The following CTNND2 variants were observed in gnomAD, a reference collection of about 807,000 sequenced individuals.
The protein encoded by CTNND2 is catenin delta 2, also known as catenin delta-2.
CTNND2 carries 22 observed loss-of-function variants against 144.4 expected under a neutral mutation model. That is an observed-to-expected ratio of 0.15 (90% CI 0.11 to 0.22). The LOEUF (loss-of-function observed/expected upper bound fraction) is 0.22. Among genes scored for constraint, CTNND2 ranks in the 10% least tolerant of loss-of-function variants. CTNND2 has a pLI of 1.00. For synonymous variants in CTNND2, 751 were observed against 695.6 expected (o/e 1.08, Z -1.25); for missense variants, 1,353 against 1,618.8 (o/e 0.84, Z 2.82).
intron 3 of CTNND2, among the ~76,000 whole-genome samples, chr5:11,416,451 C>A (rs938807765): frequency 6.6e-6 from 1 of 152,166 alleles, no homozygotes; most frequent in Non-Finnish European, 1.5e-5. Context: ...TATGACTGAT[C>A]ACAGAGAATG....
intron 2 of CTNND2, among the ~76,000 whole-genome samples, chr5:11,678,348 C>A (rs1784270858): frequency 6.6e-6 from 1 of 152,098 alleles, no homozygotes; most frequent in East Asian, 1.9e-4. Flanking sequence ...GACTTCAGAA[C>A]CCCTGACTGG....
chr5:11,904,067 G>A lies in CTNND2; in HGVS notation c.-214C>T. 3.5e-6 allele frequency: 1 copy of A among 286,972 alleles called. No individual in the cohort carries two copies. The highest frequency in any genetic ancestry group is 5.8e-6 in the Non-Finnish European group (1 of 173,148). 17.8% of individuals were successfully genotyped at this position (286,972 alleles called of 1,614,324 possible). On this transcript the variant is annotated 5_prime_UTR_variant, in exon 1 of 22. Transcript: ENST00000304623. The surrounding 1 kb of genome is among the most constrained non-coding windows in gnomAD (Gnocchi z 4.2). ...GCGAGTGCGCAGCGCCCGGCCCGGCGGCCCCTCCGAGCTCGGCGAGCGCAG... is the reference window on the plus strand; with the variant it reads ...GCGAGTGCGCAGCGCCCGGCCCGGCAGCCCCTCCGAGCTCGGCGAGCGCAG...
chr5:11,030,185 C>G (rs1743294388), intron 16 of CTNND2, among the ~76,000 whole-genome samples: 1 of 152,146 alleles, frequency 6.6e-6, no homozygotes, highest in South Asian at 2.1e-4. Flanking sequence ...TTATCTATGT[C>G]TTTCAACAAT....
At chr5:11,729,839 CTAGCA>C (rs1787235606) in intron 2 of CTNND2, among the ~76,000 whole-genome samples, 1 of 152,228 alleles carries the variant, frequency 6.6e-6, no homozygotes, top group Admixed American at 6.5e-5. Flanking sequence ...TAACTCTTAC[CTAGCA>C]TACAATATAA....
chr5:11,331,042 A>AACACCAGAACCTATTGAT (rs1753095206), intron 9 of CTNND2, among the ~76,000 whole-genome samples: 3 of 152,212 alleles, frequency 2.0e-5, no homozygotes, highest in Non-Finnish European at 4.4e-5. Flanking sequence ...CACCCTACAG[A>AACACCAGAACCTATTGAT]AACGTTTCCG....
chr5:11,510,756 C>G (rs1392069286), intron 3 of CTNND2, among the ~76,000 whole-genome samples: 3 of 152,078 alleles, frequency 2.0e-5, no homozygotes, highest in African/African-American at 7.2e-5. Context: ...CATGGTGAAA[C>G]CCCGTCTCTA....
chr5:11,108,958 T>G (rs771813885), intron 14 of CTNND2, among the ~76,000 whole-genome samples: 1 of 152,222 alleles, frequency 6.6e-6, no homozygotes, highest in Non-Finnish European at 1.5e-5. Context: ...CCTATTTCCC[T>G]GGACCCCAAT....
intron 3 of CTNND2, among the ~76,000 whole-genome samples, chr5:11,534,086 G>T (rs1773996527): frequency 6.6e-6 from 1 of 152,108 alleles, no homozygotes; most frequent in South Asian, 2.1e-4. Context: ...TTCTTAAATG[G>T]TAGGAATATA....
At chr5:11,727,307 C>T (rs919372505) in intron 2 of CTNND2, among the ~76,000 whole-genome samples, 1 of 152,160 alleles carries the variant, frequency 6.6e-6, no homozygotes, top group African/African-American at 2.4e-5. Context: ...TCTGGTCAAT[C>T]TATCTACAAT....
intron 9 of CTNND2, among the ~76,000 whole-genome samples, chr5:11,287,316 C>T (rs1241558372): frequency 7.9e-5 from 12 of 152,202 alleles, no homozygotes; most frequent in Admixed American, 7.9e-4. Context: ...AGACTGCCCA[C>T]CTTAGAAGTA....
intron 3 of CTNND2, among the ~76,000 whole-genome samples, chr5:11,530,531 G>T (rs55770406): frequency 9.9e-5 from 15 of 151,934 alleles, no homozygotes; most frequent in Non-Finnish European, 2.1e-4. Context: ...TTTGGGGACA[G>T]GCACAGCCAG....
At chr5:11,666,582 C>T (rs1037425174) in intron 2 of CTNND2, among the ~76,000 whole-genome samples, 1 of 152,234 alleles carries the variant, frequency 6.6e-6, no homozygotes, top group Non-Finnish European at 1.5e-5. Context: ...TAAAATGGAA[C>T]TAAGTCTGCC....
intron 9 of CTNND2, among the ~76,000 whole-genome samples, chr5:11,281,770 C>T (rs1396740284): frequency 1.3e-5 from 2 of 152,244 alleles, no homozygotes; most frequent in East Asian, 3.9e-4. Flanking sequence ...ATTTCCTCTT[C>T]TTATAAGGAC....
intron 3 of CTNND2, among the ~76,000 whole-genome samples, chr5:11,419,045 TAGAC>T (rs1762143595): frequency 7.2e-6 from 1 of 139,392 alleles, no homozygotes; most frequent in African/African-American, 3.0e-5. Context: ...GATATATAGA[TAGAC>T]ATCTATATAG....
chr5:11,223,380 T>G (rs1025090061), intron 10 of CTNND2, among the ~76,000 whole-genome samples: 1 of 152,170 alleles, frequency 6.6e-6, no homozygotes, highest in Non-Finnish European at 1.5e-5. Flanking sequence ...AGAAGCTGAG[T>G]TGACAGCCAG....
chr5:11,621,713 G>C (rs1780852228), intron 2 of CTNND2, among the ~76,000 whole-genome samples: 1 of 152,180 alleles, frequency 6.6e-6, no homozygotes, highest in South Asian at 2.1e-4. Context: ...GTGACTCTGG[G>C]TAGGAAGCAG....
chr5:11,007,077 T>C (rs1306901263), intron 18 of CTNND2, among the ~76,000 whole-genome samples: 2 of 152,194 alleles, frequency 1.3e-5, no homozygotes, highest in Non-Finnish European at 1.5e-5. Context: ...GGTAACCCAA[T>C]GTGGATGTAT....
At chr5:11,520,351 G>A (rs1196330505) in intron 3 of CTNND2, among the ~76,000 whole-genome samples, 1 of 152,080 alleles carries the variant, frequency 6.6e-6, no homozygotes, top group African/African-American at 2.4e-5. Context: ...AATCAACCTA[G>A]ATTAAAGAGA....
intron 3 of CTNND2, among the ~76,000 whole-genome samples, chr5:11,432,121 C>CTTTTTTTTTTTTTTTTTTTTT (rs5865940): frequency 1.3e-5 from 1 of 78,384 alleles, no homozygotes; most frequent in African/African-American, 4.2e-5. Flanking sequence ...GAGGTTGAGG[C>CTTTTTTTTTTTTTTTTTTTTT]TTTTTTTTTT....
Sources: allele counts gnomAD v4.1 joint callset (sites outside exome capture counted in the v4.1 genomes callset), GRCh38; gene constraint gnomAD v4.1.1; non-coding constraint Gnocchi (gnomAD v3.1); transcripts MANE v1.5; gene names NCBI Gene and HGNC (gene_info 2026-07-23, HGNC 2026-07-21).